SLC39A10: variants seen among roughly 807,000 people sequenced by gnomAD.
SLC39A10 encodes solute carrier family 39 member 10, also known as zinc transporter ZIP10.
In SLC39A10, 13 loss-of-function variants were observed where a neutral mutation model predicts 65.1. The observed-to-expected ratio is 0.20, with a 90% confidence interval of 0.13 to 0.32. The LOEUF is 0.32. Among genes scored for constraint, SLC39A10 ranks in the 10% least tolerant of loss-of-function variants. The pLI is 1.00. For missense variants in SLC39A10, 831 were observed against 1,018.4 expected, an observed-to-expected ratio of 0.82 and a Z score of 2.50; for synonymous variants, 321 against 342.2, an observed-to-expected ratio of 0.94 and a Z score of 0.68.
At chr2:195,695,419 C>T (rs1408574263) in intron 3 of SLC39A10, among the ~76,000 whole-genome samples, 1 of 152,196 alleles carries the variant, frequency 6.6e-6, no homozygotes, top group Non-Finnish European at 1.5e-5. Context: ...CACTCCCACA[C>T]AACCTGCAGT....
chr2:195,639,100 C>CA (rs1389976592), intron 2 of SLC39A10, among the ~76,000 whole-genome samples: 1 of 152,064 alleles, frequency 6.6e-6, no homozygotes, highest in Non-Finnish European at 1.5e-5. Flanking sequence ...GGACTACAGG[C>CA]ACACACCACC....
At chr2:195,646,370 TC>T (rs2105709449) in intron 2 of SLC39A10, among the ~76,000 whole-genome samples, 1 of 152,256 alleles carries the variant, frequency 6.6e-6, no homozygotes, top group East Asian at 1.9e-4. Context: ...ACATGGGTTG[TC>T]CCTATCACAG....
intron 3 of SLC39A10, among the ~76,000 whole-genome samples, chr2:195,687,250 T>G (rs948361051): frequency 6.6e-6 from 1 of 152,174 alleles, no homozygotes; most frequent in African/African-American, 2.4e-5. Flanking sequence ...TAAAATAGAT[T>G]TATTTGTTCC....
chr2:195,676,373 T>A (rs927022634), intron 1 of SLC39A10, among the ~76,000 whole-genome samples: 5 of 151,818 alleles, frequency 3.3e-5, no homozygotes, highest in African/African-American at 1.2e-4. Context: ...TTTTTTTTTT[T>A]TATAGTGTCC....
At chr2:195,709,626 T>C (rs1691538816) in intron 5 of SLC39A10, among the ~76,000 whole-genome samples, 1 of 151,788 alleles carries the variant, frequency 6.6e-6, no homozygotes, top group East Asian at 1.9e-4. Flanking sequence ...TCCTCTCACC[T>C]TAGTCTCTCA....
intron 2 of SLC39A10, among the ~76,000 whole-genome samples, chr2:195,627,868 C>G (rs2118838): frequency 0.26 from 38,845 of 151,992 alleles, 5,916 homozygotes; most frequent in East Asian, 0.59. Flanking sequence ...GCTTCTGGGA[C>G]TGTCTACTGT....
At chr2:195,715,677 T>C (rs1345545773) in intron 6 of SLC39A10, among the ~76,000 whole-genome samples, 1 of 152,180 alleles carries the variant, frequency 6.6e-6, no homozygotes, top group Non-Finnish European at 1.5e-5. Flanking sequence ...CATGTTTTCA[T>C]AGTCATAGTA....
At chr2:195,661,325 CAAT>C in intron 1 of SLC39A10, among the ~76,000 whole-genome samples, 1 of 151,976 alleles carries the variant, frequency 6.6e-6, no homozygotes, top group Middle Eastern at 3.4e-3. Flanking sequence ...AACATATTCT[CAAT>C]AAAAAATTAG....
Position 195,680,113 on chromosome 2 carries a change from A to T in SLC39A10, c.71A>T (p.His24Leu). The change falls in exon 2 of 10, where the codon CAT (histidine) becomes CTT (leucine). Residue 24 changes from histidine to leucine, a missense_variant. Physicochemically the swap from His to Leu is moderately conservative, Grantham distance 99 (BLOSUM62 -3). Around this residue, in one of 4 missense-constraint regions of SLC39A10, gnomAD observed 446 missense variants for 499.2 expected, o/e 0.89. Transcript: ENST00000359634. ...ACATTTATTTTTCATCATTGCAACC[A>T]TTGCCATGAAGAACATGACCATGGC... ...LLTFIFHHCN[H>L]CHEEHDHGPE... 6.2e-7 allele frequency: 1 copy of T among 1,612,984 alleles called. No homozygotes were observed. Among genetic ancestry groups the T allele is most frequent in the South Asian group, 1.1e-5 (1 of 90,410 alleles).
chr2:195,716,082 T>G (rs1691796541), intron 6 of SLC39A10, among the ~76,000 whole-genome samples: 1 of 152,330 alleles, frequency 6.6e-6, no homozygotes, highest in South Asian at 2.1e-4. Context: ...TCAGCATAGC[T>G]TTTTGGGTTC....
chr2:195,683,812 A>T lies in SLC39A10; in HGVS notation c.1122A>T (p.Arg374Ser). The change falls in exon 3 of 10, where the codon AGA becomes AGT. Residue 374 changes from arginine (R) to serine (S), a missense_variant. By Grantham distance (110) the Arg-to-Ser change is moderately radical (BLOSUM62 -1). Coordinates refer to ENST00000359634, the MANE Select transcript of SLC39A10 (RefSeq NM_020342.3). ...CATTGTTATATCAAATCGACAGCAG[A>T]CTTTGTATTGAGCATTTTGACAAAC... is the stretch of plus-strand genomic sequence containing the variant. ...CPALLYQIDS[R>S]LCIEHFDKLL... 6.2e-7 allele frequency: 1 copy of T among 1,613,430 alleles called. No homozygotes were observed. The highest frequency in any genetic ancestry group is 8.5e-7 in the Non-Finnish European group (1 of 1,179,498).
chr2:195,655,865 G>C (rs1349447869), upstream of SLC39A10, among the ~76,000 whole-genome samples: 3 of 152,122 alleles, frequency 2.0e-5, no homozygotes, highest in African/African-American at 7.2e-5. Context: ...GATGTTTTTT[G>C]TAGAGATACA....
chr2:195,717,151 G>A, intron 7 of SLC39A10, 146 bp downstream of exon 7: 1 of 1,099,638 alleles, frequency 9.1e-7, no homozygotes, highest in Admixed American at 2.6e-5. Flanking sequence ...GTGTTCAGTT[G>A]TTACATTTGG....
chr2:195,644,763 C>T (rs1328120569), intron 2 of SLC39A10, among the ~76,000 whole-genome samples: 2 of 151,366 alleles, frequency 1.3e-5, no homozygotes, highest in African/African-American at 2.4e-5. Flanking sequence ...TTTATCACGC[C>T]ACTGCACTCT....
chr2:195,693,935 G>A (rs1690842432), intron 3 of SLC39A10, among the ~76,000 whole-genome samples: 1 of 152,044 alleles, frequency 6.6e-6, no homozygotes, highest in Admixed American at 6.6e-5. Context: ...GATGTAATAG[G>A]CATTTAATGC....
At chr2:195,666,549 C>T (rs1689644971) in intron 1 of SLC39A10, among the ~76,000 whole-genome samples, 1 of 152,194 alleles carries the variant, frequency 6.6e-6, no homozygotes. Flanking sequence ...GCCTTGACCT[C>T]CCGGGCTCAA....
chr2:195,719,883 C>T lies in SLC39A10; in HGVS notation c.2146+1551C>T, dbSNP rs529362133. ...TCGGCTCACCTCAACCTCCGCCTCCCGGGTTCAAGTAATTCTCCTGCCTCA... is the reference window on the plus strand; with the variant it reads ...TCGGCTCACCTCAACCTCCGCCTCCTGGGTTCAAGTAATTCTCCTGCCTCA... On this transcript the variant is annotated intron_variant, in intron 8 of 9. Transcript: ENST00000359634. Among the ~76,000 whole-genome samples the T allele has an allele frequency of 2.6e-4, 39 of 149,434 alleles. 1 individual carries two copies. In the East Asian group the frequency reaches 6.1e-3, roughly 23 times the overall value.
At chr2:195,713,618 T>A in intron 6 of SLC39A10, 65 bp downstream of exon 6, 1 of 1,456,128 alleles carries the variant, frequency 6.9e-7, no homozygotes, top group Admixed American at 2.7e-5. Flanking sequence ...AATTTACATT[T>A]AATTTCTATT....
chr2:195,725,858 C>G (rs1373086420), intron 8 of SLC39A10, among the ~76,000 whole-genome samples: 1 of 152,142 alleles, frequency 6.6e-6, no homozygotes, highest in East Asian at 1.9e-4. Flanking sequence ...ACTTGAAAGA[C>G]TACATACTGT....
Sources: gnomAD v4.1 joint callset for allele counts (sites outside exome capture counted in the v4.1 genomes callset) on GRCh38, gnomAD v4.1.1 for gene constraint, gnomAD v4.1.1 regional missense constraint, MANE v1.5 for transcripts, NCBI Gene and HGNC (gene_info 2026-07-23, HGNC 2026-07-21) for gene names.